The following TFAP2D variants were observed in gnomAD, a reference collection of about 807,000 sequenced individuals.
TFAP2D encodes transcription factor AP-2-delta.
TFAP2D carries 9 observed loss-of-function variants against 43.6 expected under a neutral mutation model. The observed-to-expected ratio is 0.21, with a 90% CI of 0.12 to 0.36. The LOEUF (loss-of-function observed/expected upper bound fraction) is 0.36, where lower values mean the gene tolerates loss of function less well. TFAP2D is among the 10% of genes least tolerant of loss of function. The pLI, the probability that TFAP2D is intolerant of heterozygous loss-of-function variation, is 1.00. For synonymous variants in TFAP2D, 256 were observed against 224.9 expected (o/e 1.14, Z -1.24); for missense variants, 513 against 561.4 (o/e 0.91, Z 0.87).
At chr6:50,764,160 A>T (rs1380621874) in intron 7 of TFAP2D, among the ~76,000 whole-genome samples, 1 of 152,132 alleles carries the variant, frequency 6.6e-6, no homozygotes, top group East Asian at 1.9e-4. Context: ...GGATTTCTCA[A>T]AGATTAAAGA....
chr6:50,750,935 T>A (rs1328623789), intron 6 of TFAP2D, among the ~76,000 whole-genome samples: 1 of 152,006 alleles, frequency 6.6e-6, no homozygotes. Flanking sequence ...TGAGGTTAAT[T>A]TATGAATAGT....
At chr6:50,749,202 T>C (rs976592878) in intron 6 of TFAP2D, among the ~76,000 whole-genome samples, 7 of 151,816 alleles carry the variant, frequency 4.6e-5, no homozygotes, top group African/African-American at 1.7e-4. Flanking sequence ...ATATTACTCC[T>C]GGTAGATCCT....
chr6:50,772,333 A>G (rs1769540478), intron 7 of TFAP2D, among the ~76,000 whole-genome samples: 1 of 152,192 alleles, frequency 6.6e-6, no homozygotes, highest in South Asian at 2.1e-4. Context: ...TGGCACATGT[A>G]TACATATGTA....
At chr6:50,749,441 CT>C (rs2113885156) in intron 6 of TFAP2D, among the ~76,000 whole-genome samples, 1 of 151,796 alleles carries the variant, frequency 6.6e-6, no homozygotes, top group East Asian at 1.9e-4. Flanking sequence ...GATAGAAAAA[CT>C]AAAAGACTGC....
At chr6:50,724,976 GGACA>G (rs10595265) in intron 3 of TFAP2D, among the ~76,000 whole-genome samples, 2,273 of 152,146 alleles carry the variant, frequency 0.015, 58 homozygotes, top group African/African-American at 0.051. Context: ...TTGTTTAGAT[GGACA>G]GACTAGACCC....
intron 7 of TFAP2D, among the ~76,000 whole-genome samples, chr6:50,758,752 C>T (rs537329081): frequency 1.6e-4 from 25 of 152,034 alleles, no homozygotes; most frequent in South Asian, 1.2e-3. Flanking sequence ...AGGTCATCAA[C>T]GGCGGGCAGT....
intron 3 of TFAP2D, among the ~76,000 whole-genome samples, chr6:50,720,600 G>A (rs1402923677): frequency 1.3e-5 from 2 of 151,406 alleles, no homozygotes; most frequent in African/African-American, 2.4e-5. Context: ...TGCCAGCCAC[G>A]CTGGTACTCA....
chr6:50,754,598 G>A (rs546409856), intron 7 of TFAP2D, among the ~76,000 whole-genome samples: 1 of 151,990 alleles, frequency 6.6e-6, no homozygotes, highest in African/African-American at 2.4e-5. Context: ...TTCCATAGCA[G>A]CTATACCATT....
intron 2 of TFAP2D, among the ~76,000 whole-genome samples, chr6:50,718,760 G>A (rs368149645): frequency 6.6e-6 from 1 of 152,176 alleles, no homozygotes; most frequent in East Asian, 1.9e-4. Flanking sequence ...AGTGTACACT[G>A]TCTGTATATA....
intron 5 of TFAP2D, among the ~76,000 whole-genome samples, chr6:50,733,954 C>A (rs1244806067): frequency 1.3e-5 from 2 of 150,752 alleles, no homozygotes; most frequent in Admixed American, 1.3e-4. Context: ...GATAGAAGAT[C>A]AAATTCTCTC....
chr6:50,720,290 T>A (rs1768697278), intron 3 of TFAP2D, among the ~76,000 whole-genome samples: 2 of 152,148 alleles, frequency 1.3e-5, no homozygotes, highest in Admixed American at 6.5e-5. Context: ...CTGGTAGAAA[T>A]CAGTTGCTTC....
chr6:50,751,197 T>C lies in TFAP2D; in HGVS notation c.1026-14T>C. The C allele has an allele frequency of 6.5e-7, 1 of 1,549,450 alleles. No individual in the cohort carries two copies. Among genetic ancestry groups the C allele is most frequent in the Non-Finnish European group, 8.9e-7 (1 of 1,129,238 alleles). ...TTGAAAATTTCAATTTTAAATTTGA[T>C]TCTTTTATTTTAGACAAATCTGTAA... is the stretch of plus-strand genomic sequence containing the variant. On this transcript the variant is annotated splice_polypyrimidine_tract_variant and intron_variant, in intron 6 of 7. Coordinates refer to ENST00000008391, the MANE Select transcript of TFAP2D (RefSeq NM_172238.4).
At chr6:50,770,387 T>C (rs927074368) in intron 7 of TFAP2D, among the ~76,000 whole-genome samples, 1 of 152,100 alleles carries the variant, frequency 6.6e-6, no homozygotes, top group Non-Finnish European at 1.5e-5. Context: ...TTGGCCATTG[T>C]TGTTTCCCAC....
intron 5 of TFAP2D, among the ~76,000 whole-genome samples, chr6:50,737,724 T>A (rs753631148): frequency 1.8e-4 from 27 of 152,304 alleles, no homozygotes; most frequent in Non-Finnish European, 2.6e-4. Flanking sequence ...ATTCTTTTTT[T>A]TCAGTGCTTA....
intron 7 of TFAP2D, among the ~76,000 whole-genome samples, chr6:50,755,609 C>G (rs1271242467): frequency 6.6e-6 from 1 of 151,790 alleles, no homozygotes; most frequent in Admixed American, 6.6e-5. Context: ...TTTTTTTCCC[C>G]CTTTGGGAGA....
At chr6:50,745,075 G>C in intron 5 of TFAP2D, 32 bp from the exon 6 acceptor site, 1 of 1,611,896 alleles carries the variant, frequency 6.2e-7, no homozygotes, top group Non-Finnish European at 8.5e-7. Flanking sequence ...TTGGATACTG[G>C]TGAGAAACTC....
chr6:50,746,194 T>C (rs1206101310), intron 6 of TFAP2D, among the ~76,000 whole-genome samples: 1 of 152,098 alleles, frequency 6.6e-6, no homozygotes, highest in Admixed American at 6.6e-5. Context: ...TAAACTGTCA[T>C]TTATGAACTA....
chr6:50,728,250 G>A (rs922562205), intron 3 of TFAP2D, among the ~76,000 whole-genome samples: 2 of 152,062 alleles, frequency 1.3e-5, no homozygotes, highest in African/African-American at 4.8e-5. Context: ...GATATTGAGG[G>A]CTGGCATACA....
At chr6:50,754,415 A>T (rs1246759729) in intron 7 of TFAP2D, among the ~76,000 whole-genome samples, 1 of 151,690 alleles carries the variant, frequency 6.6e-6, no homozygotes, top group Non-Finnish European at 1.5e-5. Context: ...CATTGATGGC[A>T]ATTGGGTTGC....
Sources: gnomAD v4.1 joint callset for allele counts (sites outside exome capture counted in the v4.1 genomes callset) on GRCh38, gnomAD v4.1.1 for gene constraint, MANE v1.5 for transcripts, NCBI Gene and HGNC (gene_info 2026-07-23, HGNC 2026-07-21) for gene names.